TNPO3: variants seen among roughly 807,000 people sequenced by gnomAD.
TNPO3 encodes transportin 3.
Under a neutral mutation model 122.8 loss-of-function variants are expected in TNPO3, and 65 were observed. The observed-to-expected ratio is 0.53, with a 90% CI of 0.43 to 0.65. The LOEUF is 0.65. Among genes scored for constraint, TNPO3 ranks in the 30% least tolerant of loss-of-function variants. The pLI is 0.00. For synonymous variants in TNPO3, 372 were observed against 411.2 expected, an observed-to-expected ratio of 0.90 and a Z score of 1.15; for missense variants, 850 against 1,136.7, an observed-to-expected ratio of 0.75 and a Z score of 3.63.
At chr7:128,989,642 G>T (rs1013827973) in intron 11 of TNPO3, among the ~76,000 whole-genome samples, 6 of 152,158 alleles carry the variant, frequency 3.9e-5, no homozygotes, top group Admixed American at 1.3e-4. Context: ...TGTTAAAATT[G>T]TAAGAGATTC....
chr7:128,991,923 A>G, intron 10 of TNPO3, 76 bp downstream of exon 10: 3 of 1,059,164 alleles, frequency 2.8e-6, no homozygotes, highest in Non-Finnish European at 4.1e-6. Flanking sequence ...TATACCATAT[A>G]AGAAAAAAAA....
intron 1 of TNPO3, among the ~76,000 whole-genome samples, chr7:129,026,394 ATTTTTTTTTTTTT>A (rs969403916): frequency 1.2e-4 from 11 of 94,714 alleles, no homozygotes; most frequent in Non-Finnish European, 1.6e-4. Context: ...TGACGTTTGA[ATTTTTTTTTTTTT>A]TTTTTTTTTT....
At position 128,979,019 on chromosome 7, in the gene TNPO3, T is replaced by C; in HGVS notation, c.2025A>G (p.Lys675=). 1 of 1,614,174 alleles carries C rather than the reference T, an allele frequency of 6.2e-7. No individual in the cohort carries two copies. ...CLRFAVRCVG[K]GSAALLQPLV... ...GTGGCTGCAGCAGTGCTGCAGATCC[T>C]TTGCCTACACAGCGAACAGCAAAGC... is the stretch of plus-strand genomic sequence containing the variant. Residue 675 remains lysine, a synonymous_variant, in exon 16 of 23, where the codon AAA becomes AAG. Coordinates refer to ENST00000265388, the MANE Select transcript of TNPO3 (RefSeq NM_012470.4).
intron 8 of TNPO3, among the ~76,000 whole-genome samples, chr7:128,996,572 T>A (rs1210909052): frequency 6.6e-6 from 1 of 151,814 alleles, no homozygotes; most frequent in Non-Finnish European, 1.5e-5. Context: ...TGAAACCCCA[T>A]CTCTACTAAA....
chr7:129,030,908 G>A (rs1805859158), intron 1 of TNPO3, among the ~76,000 whole-genome samples: 1 of 152,184 alleles, frequency 6.6e-6, no homozygotes, highest in Admixed American at 6.5e-5. Context: ...CAAAAGCTTA[G>A]TGTTGTGACC....
intron 3 of TNPO3, 132 bp downstream of exon 3, chr7:129,016,851 A>C (rs1039410664): frequency 2.8e-6 from 2 of 712,842 alleles, no homozygotes; most frequent in East Asian, 5.4e-5. Flanking sequence ...TTAATCTAAC[A>C]AAGGTTAATA....
At chr7:129,031,435 T>C (rs1457732315) in intron 1 of TNPO3, among the ~76,000 whole-genome samples, 1 of 152,166 alleles carries the variant, frequency 6.6e-6, no homozygotes, top group African/African-American at 2.4e-5. Context: ...AGTGAACATA[T>C]TGAATAACTT....
At chr7:128,957,553 C>T (rs950210280) in intron 21 of TNPO3, among the ~76,000 whole-genome samples, 5 of 152,130 alleles carry the variant, frequency 3.3e-5, no homozygotes, top group East Asian at 1.9e-4. Flanking sequence ...ACAAACTGCC[C>T]GAGTTTGAAT....
chr7:129,037,124 A>G (rs1192290776), intron 1 of TNPO3, among the ~76,000 whole-genome samples: 2 of 152,240 alleles, frequency 1.3e-5, no homozygotes, highest in Non-Finnish European at 2.9e-5. Flanking sequence ...TCCAATTAAC[A>G]CTGATTATAT....
chr7:128,992,262 G>T (rs1324376199), intron 9 of TNPO3, among the ~76,000 whole-genome samples, 172 bp from the exon 10 acceptor site: 1 of 152,022 alleles, frequency 6.6e-6, no homozygotes, highest in African/African-American at 2.4e-5. Flanking sequence ...CTAACTAGGA[G>T]TAACTATTTT....
intron 1 of TNPO3, among the ~76,000 whole-genome samples, chr7:129,035,787 T>C (rs1345112912): frequency 6.6e-6 from 1 of 152,110 alleles, no homozygotes; most frequent in Non-Finnish European, 1.5e-5. Flanking sequence ...TGAGTAAAAA[T>C]GACAAATTAT....
intron 21 of TNPO3, among the ~76,000 whole-genome samples, chr7:128,966,053 A>G (rs1012747825): frequency 1.3e-5 from 2 of 152,244 alleles, no homozygotes; most frequent in Admixed American, 6.5e-5. Flanking sequence ...CATTTATAAA[A>G]ATGGTTAATA....
At chr7:129,002,401 C>T (rs1476358761) in intron 5 of TNPO3, among the ~76,000 whole-genome samples, 1 of 152,090 alleles carries the variant, frequency 6.6e-6, no homozygotes, top group African/African-American at 2.4e-5. Context: ...GGGAATCCTC[C>T]CGGGTTTCTA....
intron 11 of TNPO3, among the ~76,000 whole-genome samples, chr7:128,987,607 G>A (rs1007372204): frequency 5.1e-4 from 77 of 152,216 alleles, no homozygotes; most frequent in Admixed American, 8.5e-4. Context: ...TGGGGACGGA[G>A]CCTCACTCTG....
chr7:128,955,461 G>T, intron 22 of TNPO3, 76 bp from the exon 23 acceptor site: 1 of 377,792 alleles, frequency 2.6e-6, no homozygotes, highest in Non-Finnish European at 5.2e-6. Context: ...TAAGGCAGAG[G>T]TTTCTATATT....
At chr7:129,028,853 T>G in intron 1 of TNPO3, 1 of 246,240 alleles carries the variant, frequency 4.1e-6, no homozygotes, top group Non-Finnish European at 8.0e-6. Context: ...ATCTCTTAGT[T>G]TTCCATTTTG....
chr7:128,990,254 A>G, intron 10 of TNPO3, 154 bp from the exon 11 acceptor site: 1 of 837,672 alleles, frequency 1.2e-6, no homozygotes, highest in Middle Eastern at 2.2e-4. Context: ...AAAGATTTTC[A>G]AATCTTCAAA....
chr7:129,017,988 A>C lies in TNPO3; in HGVS notation c.290T>G (p.Leu97Trp). ...TACAATAACAGGTGACAAGTCTTTCAAGTTCTGGATATGGGTTAGCAATGA... is the reference window on the plus strand; with the variant it reads ...TACAATAACAGGTGACAAGTCTTTCCAGTTCTGGATATGGGTTAGCAATGA... Reference protein sequence around the residue: ...RDSLLTHIQNLKDLSPVIVTQ... With the variant: ...RDSLLTHIQNWKDLSPVIVTQ... The change falls in exon 2 of 23, where the codon TTG becomes TGG. Residue 97 changes from leucine to tryptophan, a missense_variant. Coordinates refer to ENST00000265388, the MANE Select transcript of TNPO3 (RefSeq NM_012470.4). 1 of 1,614,170 alleles carries C rather than the reference A, an allele frequency of 6.2e-7. No homozygotes were observed. Among genetic ancestry groups the C allele is most frequent in the Non-Finnish European group, 8.5e-7 (1 of 1,180,010 alleles).
Position 128,970,241 on chromosome 7 carries a change from G to A in TNPO3, c.2505C>T (p.Ser835=). ...VMNQLGQQLV[S]QLLHTCCFCL... The stretch of plus-strand genomic sequence containing the variant: ...AAAAGCAGCAGGTGTGCAGCAGCTG[G>A]CTGACAAGCTGCTGTCCAAGCTGGT... Residue 835 remains serine (S), a synonymous_variant, in exon 20 of 23, where the codon AGC becomes AGT. Coordinates refer to ENST00000265388, the MANE Select transcript of TNPO3 (RefSeq NM_012470.4). 1.2e-6 allele frequency: 2 copies of A among 1,613,980 alleles called. No individual in the cohort carries two copies. Among genetic ancestry groups the A allele is most frequent in the Non-Finnish European group, 1.7e-6 (2 of 1,179,950 alleles).
Sources: gnomAD v4.1 joint callset for allele counts (sites outside exome capture counted in the v4.1 genomes callset) on GRCh38, gnomAD v4.1.1 for gene constraint, MANE v1.5 for transcripts, NCBI Gene and HGNC (gene_info 2026-07-23, HGNC 2026-07-21) for gene names.